Variants in NPNT observed in about 807,000 individuals in gnomAD.
NPNT encodes nephronectin.
Under a neutral mutation model 68.6 loss-of-function variants are expected in NPNT, and 45 were observed. That is an observed-to-expected ratio of 0.66 (90% CI 0.52 to 0.84). NPNT has a LOEUF of 0.84. NPNT is among the 40% of genes least tolerant of loss of function. NPNT has a pLI of 0.00. For synonymous variants in NPNT, 233 were observed against 253.3 expected (o/e 0.92, Z 0.76); for missense variants, 672 against 714.8 (o/e 0.94, Z 0.68).
intron 10 of NPNT, among the ~76,000 whole-genome samples, chr4:105,963,422 T>A (rs977901283): frequency 1.3e-5 from 2 of 152,154 alleles, no homozygotes; most frequent in East Asian, 1.9e-4. Context: ...CTAAGAAAAC[T>A]CTCAAAACTC....
chr4:105,932,764 G>T lies in NPNT; in HGVS notation c.266-4245G>T, dbSNP rs1376479904. The T allele has an allele frequency of 4.4e-6, 5 of 1,137,472 alleles. No individual in the cohort carries two copies. The African/African-American group carries it at 7.7e-5, about 17-fold the overall frequency. 70.5% of individuals were successfully genotyped at this position (1,137,472 alleles called of 1,614,324 possible). On this transcript the variant is annotated intron_variant, in intron 3 of 11. Coordinates refer to ENST00000379987, the MANE Select transcript of NPNT (RefSeq NM_001033047.3). Reference sequence around the variant, plus strand: ...CACCTGCATGGCTTCCTGCAGTTATGTCACTTCTTGCAAATGTTCTGAAGA... The same window carrying T: ...CACCTGCATGGCTTCCTGCAGTTATTTCACTTCTTGCAAATGTTCTGAAGA...
intron 1 of NPNT, 99 bp from the exon 2 acceptor site, chr4:105,897,802 T>G: frequency 1.1e-6 from 1 of 878,720 alleles, no homozygotes; most frequent in Non-Finnish European, 1.8e-6. Context: ...TAGAAAATTG[T>G]TGGGTGTGGT....
chr4:105,939,078 A>C (rs1367312086), intron 5 of NPNT, among the ~76,000 whole-genome samples: 1 of 152,132 alleles, frequency 6.6e-6, no homozygotes, highest in African/African-American at 2.4e-5. Flanking sequence ...TAATTTCTAT[A>C]CTCCAGACAC....
At chr4:105,942,852 C>A in intron 8 of NPNT, 150 bp downstream of exon 8, 1 of 717,060 alleles carries the variant, frequency 1.4e-6, no homozygotes, top group Non-Finnish European at 2.2e-6. Flanking sequence ...TAAAGAGCTA[C>A]ATAAAGAGTC....
chr4:105,924,552 T>C (rs1285959106), intron 2 of NPNT, among the ~76,000 whole-genome samples: 1 of 152,202 alleles, frequency 6.6e-6, no homozygotes, highest in African/African-American at 2.4e-5. Flanking sequence ...TGTTTTGAAA[T>C]AGGACTCCCT....
At chr4:105,958,435 A>G (rs113650364) in intron 8 of NPNT, 36 bp from the exon 9 acceptor site, 17,322 of 1,266,430 alleles carry the variant, frequency 0.014, 184 homozygotes, top group African/African-American at 0.033. Context: ...CTTCACACAC[A>G]CACACACACA....
intron 10 of NPNT, among the ~76,000 whole-genome samples, chr4:105,961,785 A>G (rs767565931): frequency 6.6e-6 from 1 of 152,168 alleles, no homozygotes. Context: ...TCCCTGGAGG[A>G]TGCTTTTCTA....
At chr4:105,898,201 T>C in intron 2 of NPNT, 200 bp downstream of exon 2, 1 of 409,180 alleles carries the variant, frequency 2.4e-6, no homozygotes, top group Non-Finnish European at 4.3e-6. Context: ...GGCCCAGCTT[T>C]GTCATTCACA....
At chr4:105,954,955 A>G (rs965998117) in intron 8 of NPNT, among the ~76,000 whole-genome samples, 1 of 152,238 alleles carries the variant, frequency 6.6e-6, no homozygotes, top group African/African-American at 2.4e-5. Flanking sequence ...CCAATGCTTT[A>G]TAACAAGCTC....
chr4:105,929,231 C>T lies in NPNT; in HGVS notation c.265+1803C>T, dbSNP rs60172728. On this transcript the variant is annotated intron_variant, in intron 3 of 11. Transcript: ENST00000379987. ...GTTTTCTGTTCCTGTGTTAAGACAC[C>T]GTTTTTACAATCATCCAGAACATTG... Among the ~76,000 whole-genome samples, 950 of 152,096 alleles carry T rather than the reference C, an allele frequency of 6.2e-3. 11 individuals are homozygous for T. Among genetic ancestry groups the T allele is most frequent in the African/African-American group, 0.022 (904 of 41,464 alleles).
At chr4:105,915,662 A>C (rs1290398796) in intron 2 of NPNT, among the ~76,000 whole-genome samples, 1 of 152,226 alleles carries the variant, frequency 6.6e-6, no homozygotes, top group Non-Finnish European at 1.5e-5. Flanking sequence ...TCTCTAGGAC[A>C]TCATTTGGTG....
intron 2 of NPNT, among the ~76,000 whole-genome samples, chr4:105,910,514 A>G (rs1286600652): frequency 2.1e-5 from 3 of 145,708 alleles, no homozygotes; most frequent in Non-Finnish European, 4.4e-5. Context: ...AAAAAAAAAA[A>G]TTGTATGTAA....
At chr4:105,965,179 T>A (rs1482628643) in intron 10 of NPNT, among the ~76,000 whole-genome samples, 1 of 152,154 alleles carries the variant, frequency 6.6e-6, no homozygotes, top group Non-Finnish European at 1.5e-5. Flanking sequence ...ATTCTTGAGA[T>A]ATTGTGATAC....
intron 8 of NPNT, 45 bp downstream of exon 8, chr4:105,942,747 A>G: frequency 6.5e-7 from 1 of 1,532,466 alleles, no homozygotes; most frequent in Non-Finnish European, 8.8e-7. Context: ...GCTCTTTATA[A>G]TGACTTTTCA....
intron 2 of NPNT, among the ~76,000 whole-genome samples, chr4:105,923,036 G>T (rs956846334): frequency 2.6e-5 from 4 of 152,174 alleles, no homozygotes; most frequent in Non-Finnish European, 5.9e-5. Context: ...CAGCAGGCAC[G>T]TTGTTTACTC....
intron 8 of NPNT, among the ~76,000 whole-genome samples, chr4:105,952,886 T>C (rs1730940486): frequency 6.6e-6 from 1 of 152,176 alleles, no homozygotes; most frequent in African/African-American, 2.4e-5. Flanking sequence ...TGGCAGAGCC[T>C]AACCTTCATG....
intron 8 of NPNT, among the ~76,000 whole-genome samples, chr4:105,947,351 C>A (rs7672530): frequency 5.1e-4 from 77 of 152,234 alleles, no homozygotes; most frequent in Non-Finnish European, 8.1e-4. Context: ...GAAGATAATA[C>A]GATTAAGAGA....
intron 2 of NPNT, among the ~76,000 whole-genome samples, chr4:105,909,122 AAAAC>A (rs1439291038): frequency 6.6e-6 from 1 of 152,218 alleles, no homozygotes; most frequent in Non-Finnish European, 1.5e-5. Context: ...AATTAATAGA[AAAAC>A]AAAATCATAG....
At chr4:105,906,165 A>G (rs576279537) in intron 2 of NPNT, among the ~76,000 whole-genome samples, 2 of 152,332 alleles carry the variant, frequency 1.3e-5, no homozygotes, top group East Asian at 1.9e-4. Context: ...CAATTTGGCT[A>G]CTAGCTTCTG....
Sources: allele counts gnomAD v4.1 joint callset (sites outside exome capture counted in the v4.1 genomes callset), GRCh38; gene constraint gnomAD v4.1.1; transcripts MANE v1.5; gene names NCBI Gene and HGNC (gene_info 2026-07-23, HGNC 2026-07-21).